Variants in LY86 observed in about 807,000 individuals in gnomAD.
The protein encoded by LY86 is MD-1, RP105-associated.
Under a neutral mutation model 17.3 loss-of-function variants are expected in LY86, and 20 were observed. The observed-to-expected ratio is 1.15, with a 90% CI of 0.81 to 1.68. The LOEUF is 1.68. Ranked by LOEUF, LY86 falls within the 40% of genes most tolerant of loss-of-function variation. The probability of loss-of-function intolerance (pLI) is 0.00; values close to 1 mark genes in which losing one functional copy is unlikely to be tolerated. For missense variants in LY86, 200 were observed against 191.9 expected, an observed-to-expected ratio of 1.04 and a Z score of -0.25; for synonymous variants, 74 against 70.6, an observed-to-expected ratio of 1.05 and a Z score of -0.24.
chr6:6,627,964 C>G (rs1380768469), intron 3 of LY86, among the ~76,000 whole-genome samples: 1 of 151,478 alleles, frequency 6.6e-6, no homozygotes, highest in East Asian at 1.9e-4. Context: ...TGCTTTTGGC[C>G]AAGGGGTTTA....
intron 3 of LY86, among the ~76,000 whole-genome samples, chr6:6,647,966 CAT>C (rs3223767): frequency 7.3e-5 from 8 of 110,118 alleles, no homozygotes; most frequent in Non-Finnish European, 1.1e-4. Context: ...TCAATCATCA[CAT>C]ACACACACAC....
chr6:6,636,006 A>C (rs1357880900), intron 3 of LY86, among the ~76,000 whole-genome samples: 5 of 152,152 alleles, frequency 3.3e-5, no homozygotes, highest in African/African-American at 1.2e-4. Context: ...GTGGTTCTCA[A>C]CCTTGAGCAG....
intron 3 of LY86, among the ~76,000 whole-genome samples, chr6:6,648,548 C>T (rs1050368621): frequency 6.6e-6 from 1 of 152,178 alleles, no homozygotes; most frequent in African/African-American, 2.4e-5. Context: ...TTGGCCCATT[C>T]TGCTCCTTCA....
intron 1 of LY86, among the ~76,000 whole-genome samples, chr6:6,618,485 T>C (rs1210361898): frequency 6.6e-6 from 1 of 151,982 alleles, no homozygotes; most frequent in Non-Finnish European, 1.5e-5. Context: ...ATTTTGAGTT[T>C]AGCAGCCCAA....
chr6:6,590,018 G>T (rs1412647185), intron 1 of LY86, among the ~76,000 whole-genome samples: 1 of 151,424 alleles, frequency 6.6e-6, no homozygotes, highest in Admixed American at 6.6e-5. Flanking sequence ...CTACTTGGGA[G>T]GCTGAGGCAG....
chr6:6,631,442 G>A (rs762317752), intron 3 of LY86, among the ~76,000 whole-genome samples: 15 of 152,242 alleles, frequency 9.9e-5, no homozygotes, highest in Non-Finnish European at 1.8e-4. Context: ...CACTAAGACC[G>A]GAAAAAGATT....
intron 1 of LY86, among the ~76,000 whole-genome samples, chr6:6,593,725 T>C (rs914964340): frequency 1.3e-5 from 2 of 152,198 alleles, no homozygotes; most frequent in African/African-American, 4.8e-5. Context: ...CAGCTTTTCC[T>C]GATATAGGGA....
At chr6:6,647,052 C>G (rs1406399812) in intron 3 of LY86, among the ~76,000 whole-genome samples, 7 of 152,238 alleles carry the variant, frequency 4.6e-5, no homozygotes, top group Non-Finnish European at 1.0e-4. Flanking sequence ...TCTAGTGCCC[C>G]CTACCTGTCT....
intron 3 of LY86, among the ~76,000 whole-genome samples, chr6:6,637,948 C>T (rs546757007): frequency 2.0e-5 from 3 of 152,238 alleles, no homozygotes; most frequent in South Asian, 2.1e-4. Context: ...GTAGGTGGAA[C>T]AAAAAAACTT....
chr6:6,603,632 A>AAC (rs540840468), intron 1 of LY86, among the ~76,000 whole-genome samples: 9,957 of 135,252 alleles, frequency 0.074, 470 homozygotes, highest in Admixed American at 0.1. Flanking sequence ...AAAAAAACAA[A>AAC]ACACACACAC....
chr6:6,652,799 A>T (rs1762207221), intron 4 of LY86, among the ~76,000 whole-genome samples: 2 of 152,124 alleles, frequency 1.3e-5, no homozygotes, highest in Non-Finnish European at 2.9e-5. Context: ...TATCTCTTAT[A>T]CCAGAGTCTG....
chr6:6,634,314 GA>G (rs1761933907), intron 3 of LY86, among the ~76,000 whole-genome samples: 1 of 152,198 alleles, frequency 6.6e-6, no homozygotes, highest in Admixed American at 6.5e-5. Context: ...CTCTAGTTGA[GA>G]AAATAACTGG....
rs139329401 is a variant in LY86 at position 6,650,340 on chromosome 6, G to GT, written c.405+677dup. Reference sequence around the variant, plus strand: ...TCAATATGCTACCCCTCAGATAATGGTTTTTTTTTTTTTTGAGAGAGTCTT... The same window carrying GT: ...TCAATATGCTACCCCTCAGATAATGGTTTTTTTTTTTTTTTGAGAGAGTCTT... On this transcript the variant is annotated intron_variant, in intron 4 of 4. Transcript: ENST00000230568. 2.6e-3 allele frequency among the ~76,000 whole-genome samples: 391 copies of GT among 148,046 alleles called. 3 individuals are homozygous for GT. The highest frequency in any genetic ancestry group is 5.3e-3 in the African/African-American group (213 of 40,220).
intron 3 of LY86, among the ~76,000 whole-genome samples, chr6:6,628,324 C>G (rs1336975884): frequency 7.1e-6 from 1 of 141,754 alleles, no homozygotes; most frequent in Admixed American, 7.1e-5. Context: ...CCTTCTCTCC[C>G]CCATCCCTCC....
At chr6:6,642,809 G>C (rs1467361395) in intron 3 of LY86, among the ~76,000 whole-genome samples, 10 of 152,226 alleles carry the variant, frequency 6.6e-5, no homozygotes, top group African/African-American at 2.4e-4. Flanking sequence ...CAGAGGTAAG[G>C]AGAGGAATAA....
intron 1 of LY86, among the ~76,000 whole-genome samples, chr6:6,605,573 A>C (rs1324764661): frequency 6.6e-6 from 1 of 152,274 alleles, no homozygotes; most frequent in Non-Finnish European, 1.5e-5. Context: ...AGTGGGAGAA[A>C]GCGCATGACA....
rs563351440 is a variant in LY86, at chr6:6,595,079, C to T, written c.136+6209C>T. Among the ~76,000 whole-genome samples, 6 of 150,074 alleles carry T rather than the reference C, an allele frequency of 4.0e-5. No homozygotes were observed. The South Asian group carries it at 8.4e-4, about 21-fold the overall frequency. On this transcript the variant is annotated intron_variant, in intron 1 of 4. Transcript: ENST00000230568. ...GTGAAAACGCCAAGCAGTCTGTGGA[C>T]CAGCAAAAGAAGGATGGGGAGGAAG...
At chr6:6,601,990 G>C (rs566384763) in intron 1 of LY86, among the ~76,000 whole-genome samples, 1 of 152,338 alleles carries the variant, frequency 6.6e-6, no homozygotes, top group East Asian at 1.9e-4. Flanking sequence ...AGGAACCGTA[G>C]AGGGGCTACC....
At position 6,625,116 on chromosome 6, in the gene LY86, G is replaced by A. The variant is rs2233123; in HGVS notation, c.223+104G>A. 9 of 561,912 alleles carry A rather than the reference G, an allele frequency of 1.6e-5. No homozygotes were observed. The South Asian group carries it at 2.0e-4, about 12-fold the overall frequency. The allele number at this position is 561,912 out of a possible 1,614,324, so 34.8% of individuals were successfully genotyped here. ...AACTGTAATGACTGGCTAAACTACT[G>A]TTCCCTCACCACTCTCTGGAATTAA... On this transcript the variant is annotated intron_variant, in intron 2 of 4. Coordinates refer to ENST00000230568, the MANE Select transcript of LY86 (RefSeq NM_004271.4).
Sources: gnomAD v4.1 joint callset for allele counts (sites outside exome capture counted in the v4.1 genomes callset) on GRCh38, gnomAD v4.1.1 for gene constraint, MANE v1.5 for transcripts, NCBI Gene and HGNC (gene_info 2026-07-23, HGNC 2026-07-21) for gene names.